Variants in PCDH9 observed in about 807,000 individuals in gnomAD.
The protein encoded by PCDH9 is protocadherin-9.
In PCDH9, 24 loss-of-function variants were observed where a neutral mutation model predicts 70.6. That is an observed-to-expected ratio of 0.34 (90% CI 0.25 to 0.48). The LOEUF is 0.48. PCDH9 is among the 20% of genes least tolerant of loss of function. The pLI is 0.99. For missense variants in PCDH9, 1,281 were observed against 1,503.6 expected, an observed-to-expected ratio of 0.85 and a Z score of 2.45; for synonymous variants, 562 against 558.5, an observed-to-expected ratio of 1.01 and a Z score of -0.09.
At chr13:66,895,828 G>C (rs2082168952) in intron 3 of PCDH9, among the ~76,000 whole-genome samples, 1 of 152,134 alleles carries the variant, frequency 6.6e-6, no homozygotes. Flanking sequence ...GGATCCTTCA[G>C]TGGAAGATAC....
chr13:66,415,807 T>C (rs1957450261), intron 4 of PCDH9, among the ~76,000 whole-genome samples: 1 of 152,144 alleles, frequency 6.6e-6, no homozygotes. Flanking sequence ...CTAATGCATC[T>C]AAAAGACAAA....
At chr13:66,920,590 C>G (rs1175347855) in intron 2 of PCDH9, among the ~76,000 whole-genome samples, 1 of 151,018 alleles carries the variant, frequency 6.6e-6, no homozygotes. Context: ...AGCCTGTAAC[C>G]ACCTCACAAT....
At chr13:67,109,777 T>A (rs2086618907) in intron 2 of PCDH9, among the ~76,000 whole-genome samples, 1 of 152,300 alleles carries the variant, frequency 6.6e-6, no homozygotes, top group South Asian at 2.1e-4. Context: ...GTTGTTATAT[T>A]TCTTCTCTTT....
intron 3 of PCDH9, among the ~76,000 whole-genome samples, chr13:66,671,065 C>T (rs969287907): frequency 1.2e-4 from 18 of 151,978 alleles, no homozygotes; most frequent in Non-Finnish European, 1.8e-4. Flanking sequence ...ATTCTGTTCT[C>T]ATGATAGTGA....
chr13:66,632,407 A>T (rs894350189), intron 3 of PCDH9, among the ~76,000 whole-genome samples: 3 of 152,230 alleles, frequency 2.0e-5, no homozygotes, highest in African/African-American at 7.2e-5. Flanking sequence ...ATTAGAAATT[A>T]TTCTTGACCA....
chr13:66,610,721 A>G (rs1196479690), intron 4 of PCDH9, among the ~76,000 whole-genome samples: 30 of 152,168 alleles, frequency 2.0e-4, no homozygotes, highest in Admixed American at 2.0e-3. Flanking sequence ...GGAACACAAC[A>G]TCCTCTTCTG....
intron 4 of PCDH9, among the ~76,000 whole-genome samples, chr13:66,630,333 A>T (rs996597690): frequency 6.6e-6 from 1 of 152,206 alleles, no homozygotes; most frequent in Non-Finnish European, 1.5e-5. Flanking sequence ...CCACCAGAAA[A>T]TAATTTGAAT....
At chr13:67,096,588 G>A (rs935990469) in intron 2 of PCDH9, among the ~76,000 whole-genome samples, 1 of 152,134 alleles carries the variant, frequency 6.6e-6, no homozygotes, top group South Asian at 2.1e-4. Context: ...TTTAGATGTT[G>A]TTCACATCTC....
At chr13:66,310,470 AAC>A (rs1255091412) in intron 4 of PCDH9, among the ~76,000 whole-genome samples, 3 of 152,052 alleles carry the variant, frequency 2.0e-5, no homozygotes, top group Non-Finnish European at 2.9e-5. Flanking sequence ...ATTTTACTAT[AAC>A]CAGAAGCAGA....
intron 3 of PCDH9, among the ~76,000 whole-genome samples, chr13:66,707,897 A>G (rs2078732964): frequency 6.6e-6 from 1 of 152,138 alleles, no homozygotes; most frequent in South Asian, 2.1e-4. Context: ...TTAGATAAGT[A>G]TTTTGCTTGT....
intron 4 of PCDH9, among the ~76,000 whole-genome samples, chr13:66,489,275 A>T (rs528962436): frequency 1.3e-5 from 2 of 152,288 alleles, no homozygotes; most frequent in East Asian, 3.9e-4. Flanking sequence ...ACAAACCAGC[A>T]TTCCAAGACT....
intron 3 of PCDH9, among the ~76,000 whole-genome samples, chr13:66,867,051 C>A (rs1233583699): frequency 1.4e-5 from 2 of 147,092 alleles, no homozygotes; most frequent in Admixed American, 6.8e-5. Flanking sequence ...CAATTAATAG[C>A]GCTGAGGGCT....
intron 3 of PCDH9, among the ~76,000 whole-genome samples, chr13:66,880,538 G>A (rs1049740444): frequency 2.6e-5 from 4 of 152,176 alleles, no homozygotes; most frequent in Non-Finnish European, 4.4e-5. Flanking sequence ...AGGAAAACCA[G>A]CTTACATTTA....
chr13:66,577,751 T>C (rs1035059206), intron 4 of PCDH9, among the ~76,000 whole-genome samples: 4 of 152,042 alleles, frequency 2.6e-5, no homozygotes, highest in Admixed American at 6.6e-5. Flanking sequence ...AGTTATTGGT[T>C]AAAAGAGGGT....
At chr13:66,823,334 A>G (rs889118516) in intron 3 of PCDH9, among the ~76,000 whole-genome samples, 1 of 151,946 alleles carries the variant, frequency 6.6e-6, no homozygotes, top group Non-Finnish European at 1.5e-5. Flanking sequence ...TAAAGGCAGC[A>G]TCTTGAGTCA....
At chr13:67,215,298 T>G (rs1408042709) in intron 2 of PCDH9, 3 of 152,042 alleles carry the variant, frequency 2.0e-5, no homozygotes, top group African/African-American at 7.2e-5. Context: ...CATTAATCAC[T>G]ATTCAGTTAT....
intron 3 of PCDH9, among the ~76,000 whole-genome samples, chr13:66,639,777 A>C (rs974398405): frequency 2.0e-5 from 3 of 152,196 alleles, no homozygotes; most frequent in African/African-American, 7.2e-5. Context: ...GAGAGGATTA[A>C]AAATTGTCTG....
At chr13:66,379,139 T>C (rs1207807843) in intron 4 of PCDH9, among the ~76,000 whole-genome samples, 1 of 152,200 alleles carries the variant, frequency 6.6e-6, no homozygotes, top group Non-Finnish European at 1.5e-5. Flanking sequence ...CATATGCTAA[T>C]GGAAAAGATG....
At chr13:66,482,426 G>A (rs141396993) in intron 4 of PCDH9, among the ~76,000 whole-genome samples, 45 of 152,286 alleles carry the variant, frequency 3.0e-4, no homozygotes, top group African/African-American at 1.1e-3. Flanking sequence ...CCCTCTATAG[G>A]AGACTTCTCA....
Sources: gnomAD v4.1 joint callset for allele counts (sites outside exome capture counted in the v4.1 genomes callset) on GRCh38, gnomAD v4.1.1 for gene constraint, MANE v1.5 for transcripts, NCBI Gene and HGNC (gene_info 2026-07-23, HGNC 2026-07-21) for gene names.